The following DYRK1A variants were observed in gnomAD, a reference collection of about 807,000 sequenced individuals.
DYRK1A encodes dual specificity tyrosine-phosphorylation-regulated kinase 1A.
Under a neutral mutation model 79.7 loss-of-function variants are expected in DYRK1A, and 9 were observed. The observed-to-expected ratio is 0.11, with a 90% confidence interval of 0.07 to 0.20. The LOEUF (loss-of-function observed/expected upper bound fraction) is 0.20. DYRK1A is among the 10% of genes least tolerant of loss of function. DYRK1A has a pLI of 1.00. For synonymous variants in DYRK1A, 349 were observed against 329.7 expected, an observed-to-expected ratio of 1.06 and a Z score of -0.63; for missense variants, 622 against 956.0, an observed-to-expected ratio of 0.65 and a Z score of 4.61.
At chr21:37,382,389 G>A (rs1569280821) in intron 1 of DYRK1A, among the ~76,000 whole-genome samples, 1 of 152,038 alleles carries the variant, frequency 6.6e-6, no homozygotes, top group Admixed American at 6.5e-5. Flanking sequence ...AGAACTCCCT[G>A]GAGTGAGTGT....
At chr21:37,367,678 C>T (rs1356244132) in intron 1 of DYRK1A, 50 bp downstream of exon 1, 4 of 145,422 alleles carry the variant, frequency 2.8e-5, no homozygotes, top group African/African-American at 9.9e-5. Flanking sequence ...GCTCGGCTCC[C>T]CCGGCGGCCC....
Position 37,367,641 on chromosome 21 carries a change from C to A in DYRK1A, c.-77+13C>A, listed in dbSNP as rs2049336253. 6.9e-6 allele frequency: 1 copy of A among 145,534 alleles called. No homozygotes were observed. Among genetic ancestry groups the A allele is most frequent in the Non-Finnish European group, 1.5e-5 (1 of 65,382 alleles). 9.0% of individuals were successfully genotyped at this position (145,534 alleles called of 1,614,324 possible). A position where few individuals can be genotyped will look rare whatever the true frequency, so the allele number is the denominator to read the frequency against. On this transcript the variant is annotated intron_variant, in intron 1 of 11. Transcript: ENST00000647188. Reference sequence around the variant, plus strand: ...CGCCATCGTCCCGGTGAGTGTCCGGCCCGGCCGCGGCCCCGCCCGGCCTGG... The same window carrying A: ...CGCCATCGTCCCGGTGAGTGTCCGGACCGGCCGCGGCCCCGCCCGGCCTGG...
chr21:37,423,554 C>G (rs2050534328), intron 2 of DYRK1A, among the ~76,000 whole-genome samples: 1 of 152,084 alleles, frequency 6.6e-6, no homozygotes, highest in Non-Finnish European at 1.5e-5. Context: ...AGCATTTCTT[C>G]AGTTTATTTG....
chr21:37,430,381 A>C (rs1390949547), intron 2 of DYRK1A: 1 of 985,250 alleles, frequency 1.0e-6, no homozygotes, highest in Non-Finnish European at 1.2e-6. Context: ...TCATAGGAGA[A>C]ATGTTACCAC....
intron 2 of DYRK1A, among the ~76,000 whole-genome samples, chr21:37,424,093 GAATGA>G (rs932182245): frequency 4.2e-4 from 64 of 152,198 alleles, no homozygotes; most frequent in African/African-American, 1.4e-3. Context: ...TACACTAGGA[GAATGA>G]AAGGGCATGT....
intron 1 of DYRK1A, among the ~76,000 whole-genome samples, chr21:37,371,902 A>G (rs1406434975): frequency 6.6e-6 from 1 of 152,200 alleles, no homozygotes; most frequent in Non-Finnish European, 1.5e-5. Context: ...TCTTGAGTGT[A>G]TAACATTTCC....
rs536840983 is a variant in DYRK1A, at chr21:37,484,933, G to C, written c.490-1534G>C. ...GAGGTTCAGGTCCTGTCCCTCACCA[G>C]AATAGTATCTTCTGTATAGACTTGG... On this transcript the variant is annotated intron_variant, in intron 5 of 11. Transcript: ENST00000647188. Among the ~76,000 whole-genome samples, 31 of 152,146 alleles carry C rather than the reference G, an allele frequency of 2.0e-4. No individual in the cohort carries two copies. In the South Asian group the frequency reaches 2.3e-3, roughly 11 times the overall value.
At position 37,379,482 on chromosome 21, in the gene DYRK1A, A is replaced by C. The variant is rs2049613576; in HGVS notation, c.-77+11854A>C. 2.0e-5 allele frequency among the ~76,000 whole-genome samples: 3 copies of C among 152,232 alleles called. No individual in the cohort carries two copies. In the South Asian group the frequency reaches 6.2e-4, roughly 31 times the overall value. ...TCTAGGAATGCAGTGATTAGGTTTT[A>C]GTGGGACATGGAGAATATGTCCTAC... On this transcript the variant is annotated intron_variant, in intron 1 of 11. Coordinates refer to ENST00000647188, the MANE Select transcript of DYRK1A (RefSeq NM_001347721.2).
chr21:37,379,638 G>T (rs1210625635), intron 1 of DYRK1A, among the ~76,000 whole-genome samples: 1 of 152,172 alleles, frequency 6.6e-6, no homozygotes, highest in Non-Finnish European at 1.5e-5. Context: ...CAGTGGGAGA[G>T]GGCAATGTTT....
intron 1 of DYRK1A, among the ~76,000 whole-genome samples, chr21:37,408,521 T>C (rs2050188840): frequency 6.6e-6 from 1 of 152,092 alleles, no homozygotes; most frequent in Non-Finnish European, 1.5e-5. Flanking sequence ...TAAACCAGAG[T>C]CATTCCCAAG....
At chr21:37,388,865 C>T (rs1468089664) in intron 1 of DYRK1A, among the ~76,000 whole-genome samples, 2 of 151,692 alleles carry the variant, frequency 1.3e-5, no homozygotes, top group Non-Finnish European at 2.9e-5. Flanking sequence ...AGGTTGGTCT[C>T]CATCTCCTGA....
chr21:37,465,270 G>A (rs1321012697), intron 2 of DYRK1A, among the ~76,000 whole-genome samples: 3 of 152,124 alleles, frequency 2.0e-5, no homozygotes, highest in Non-Finnish European at 4.4e-5. Context: ...ATCATCCACA[G>A]CAAATTCCAA....
rs559491092 is a variant in DYRK1A, at chr21:37,377,455, T to C, written c.-77+9827T>C. Among the ~76,000 whole-genome samples the C allele has an allele frequency of 1.3e-4, 20 of 152,126 alleles. No homozygotes were observed. In the South Asian group the frequency reaches 4.0e-3, roughly 30 times the overall value. On this transcript the variant is annotated intron_variant, in intron 1 of 11. Coordinates refer to ENST00000647188, the MANE Select transcript of DYRK1A (RefSeq NM_001347721.2). ...TTGACCTATGTTAGAAATATTTCCA[T>C]GTCAGCTCACAGAGCTCCCATTTTT...
chr21:37,477,274 G>T (rs1454850572), intron 3 of DYRK1A, among the ~76,000 whole-genome samples: 1 of 152,186 alleles, frequency 6.6e-6, no homozygotes, highest in Admixed American at 6.5e-5. Context: ...GAAGAGTTGG[G>T]CAGGAACACA....
intron 9 of DYRK1A, chr21:37,502,056 C>G (rs1377526073): frequency 6.6e-6 from 1 of 152,040 alleles, no homozygotes. Context: ...TACCAGTGTT[C>G]TTATTCTTGA....
intron 2 of DYRK1A, among the ~76,000 whole-genome samples, chr21:37,460,211 T>C (rs535974900): frequency 1.3e-5 from 2 of 152,308 alleles, no homozygotes; most frequent in South Asian, 4.1e-4. Flanking sequence ...CGGCAGATTG[T>C]ATGTTTTATT....
At position 37,476,012 on chromosome 21, in the gene DYRK1A, T is replaced by C. The variant is rs139456156; in HGVS notation, c.208-2196T>C. Reference sequence around the variant, plus strand: ...TACCTCAATTACTTTGCTCAACAAATAGCCTAAAAATGACTGCTAAGAGGG... The same window carrying C: ...TACCTCAATTACTTTGCTCAACAAACAGCCTAAAAATGACTGCTAAGAGGG... On this transcript the variant is annotated intron_variant, in intron 3 of 11. Transcript: ENST00000647188. Among the ~76,000 whole-genome samples the C allele has an allele frequency of 1.5e-4, 23 of 152,324 alleles. No homozygotes were observed. The East Asian group carries it at 4.1e-3, about 27-fold the overall frequency.
Position 37,486,502 on chromosome 21 carries a change from G to T in DYRK1A, c.525G>T (p.Trp175Cys). ...VKAYDRVEQE[W>C]VAIKIIKNKK... ...CATATGATCGTGTGGAGCAAGAATG[G>T]GTTGCCATTAAAATAATAAAGAACA... is the stretch of plus-strand genomic sequence containing the variant. Residue 175 changes from tryptophan to cysteine, a missense_variant, in exon 6 of 12, where the codon TGG becomes TGT. Coordinates refer to ENST00000647188, the MANE Select transcript of DYRK1A (RefSeq NM_001347721.2). The T allele has an allele frequency of 6.3e-7, 1 of 1,591,780 alleles. No homozygotes were observed. The highest frequency in any genetic ancestry group is 8.5e-7 in the Non-Finnish European group (1 of 1,170,594).
intron 1 of DYRK1A, among the ~76,000 whole-genome samples, chr21:37,417,347 C>T (rs778933919): frequency 2.0e-5 from 3 of 151,764 alleles, no homozygotes; most frequent in Admixed American, 6.6e-5. Context: ...TGCGCCACCA[C>T]GCCCAGCTAA....
Sources: allele counts gnomAD v4.1 joint callset (sites outside exome capture counted in the v4.1 genomes callset), GRCh38; gene constraint gnomAD v4.1.1; transcripts MANE v1.5; gene names NCBI Gene and HGNC (gene_info 2026-07-23, HGNC 2026-07-21).